Variants in HDLBP observed in about 807,000 individuals in gnomAD.
HDLBP encodes vigilin.
A neutral mutation model predicts 137.3 loss-of-function variants in HDLBP; 30 were observed. The observed-to-expected ratio is 0.22, with a 90% CI of 0.16 to 0.30. The LOEUF is 0.30. HDLBP is among the 10% of genes least tolerant of loss of function. The pLI is 1.00. For synonymous variants in HDLBP, 606 were observed against 596.0 expected, an observed-to-expected ratio of 1.02 and a Z score of -0.24; for missense variants, 1,119 against 1,667.3, an observed-to-expected ratio of 0.67 and a Z score of 5.73.
At chr2:241,254,978 C>T (rs2072496739) in intron 9 of HDLBP, 73 bp downstream of exon 9, 2 of 1,204,606 alleles carry the variant, frequency 1.7e-6, no homozygotes, top group South Asian at 1.2e-5. Context: ...CAAAGGTCAA[C>T]AAAGCAATAT....
At position 241,272,822 on chromosome 2, in the gene HDLBP, G is replaced by A. The variant is rs1355971091; in HGVS notation, c.-102-4281C>T. On this transcript the variant is annotated intron_variant, in intron 1 of 27. Coordinates refer to ENST00000310931, the MANE Select transcript of HDLBP (RefSeq NM_005336.6). The surrounding 1 kb of genome is among the most constrained non-coding windows in gnomAD (Gnocchi z 5.6). ...ACTCGCCCCCCGCGCGGGAGAAGCCGGGACGCTCCGAGGCGCGGCGCCCGG... is the reference window on the plus strand; with the variant it reads ...ACTCGCCCCCCGCGCGGGAGAAGCCAGGACGCTCCGAGGCGCGGCGCCCGG... 3.5e-6 allele frequency: 1 copy of A among 283,586 alleles called. No individual in the cohort carries two copies. The highest frequency in any genetic ancestry group is 2.3e-5 in the African/African-American group (1 of 43,736). 17.6% of individuals were successfully genotyped at this position (283,586 alleles called of 1,614,324 possible).
At chr2:241,299,546 C>T (rs1278393339) in intron 1 of HDLBP, among the ~76,000 whole-genome samples, 2 of 128,306 alleles carry the variant, frequency 1.6e-5, no homozygotes, top group Admixed American at 7.8e-5. Context: ...GAAAACTAAA[C>T]ACCCTAATTT....
intron 1 of HDLBP, among the ~76,000 whole-genome samples, chr2:241,270,020 C>T (rs1308045006): frequency 6.6e-6 from 1 of 152,188 alleles, no homozygotes; most frequent in Non-Finnish European, 1.5e-5. Context: ...TCTCTAGTGC[C>T]CAGTGACAGC....
intron 11 of HDLBP, chr2:241,250,490 C>T (rs1348451461): frequency 6.5e-6 from 1 of 153,048 alleles, no homozygotes; most frequent in Non-Finnish European, 1.5e-5. Context: ...CTGAGCACTT[C>T]ACTGTGTCTG....
chr2:241,254,740 C>T (rs1228419474), intron 9 of HDLBP, among the ~76,000 whole-genome samples: 4 of 152,170 alleles, frequency 2.6e-5, no homozygotes, highest in African/African-American at 7.2e-5. Flanking sequence ...GCACCCGGCC[C>T]GCCAAAGTAT....
rs2070055977 is a variant in HDLBP, at chr2:241,233,624, A to G, written c.3288+196T>C. Among the ~76,000 whole-genome samples, 1 of 152,116 alleles carries G rather than the reference A, an allele frequency of 6.6e-6. No homozygotes were observed. The highest frequency in any genetic ancestry group is 2.1e-4 in the South Asian group (1 of 4,816). ...ATGCTCCAGGCCCCAGATGATACAT[A>G]GTGCCAGAGACCTCACCCATCTGGC... On this transcript the variant is annotated intron_variant, in intron 24 of 27. Coordinates refer to ENST00000310931, the MANE Select transcript of HDLBP (RefSeq NM_005336.6). The surrounding 1 kb of genome is among the most constrained non-coding windows in gnomAD (Gnocchi z 4.3).
chr2:241,300,850 C>T (rs1393935722), intron 1 of HDLBP, among the ~76,000 whole-genome samples: 2 of 152,056 alleles, frequency 1.3e-5, no homozygotes, highest in Non-Finnish European at 2.9e-5. Context: ...CAGGGGCTGG[C>T]CAGGCAGCTC....
At chr2:241,305,929 T>C (rs930875194) in intron 1 of HDLBP, among the ~76,000 whole-genome samples, 1 of 151,660 alleles carries the variant, frequency 6.6e-6, no homozygotes, top group Non-Finnish European at 1.5e-5. Flanking sequence ...CTCAACTAAT[T>C]TTTTGTATTT....
At position 241,272,626 on chromosome 2, in the gene HDLBP, G is replaced by T. The variant is rs923225159; in HGVS notation, c.-102-4085C>A. The T allele has an allele frequency of 2.0e-6, 2 of 978,768 alleles. No individual in the cohort carries two copies. Among genetic ancestry groups the T allele is most frequent in the Non-Finnish European group, 2.4e-6 (2 of 825,242 alleles). 60.6% of individuals were successfully genotyped at this position (978,768 alleles called of 1,614,324 possible). ...GGGGGCCGCAGCCTGGGGCCCGGGTGGGGGCCGCGGCACCCGGGCCCCTCC... is the reference window on the plus strand; with the variant it reads ...GGGGGCCGCAGCCTGGGGCCCGGGTTGGGGCCGCGGCACCCGGGCCCCTCC... On this transcript the variant is annotated intron_variant, in intron 1 of 27. Transcript: ENST00000310931. The surrounding 1 kb of genome is among the most constrained non-coding windows in gnomAD (Gnocchi z 5.6).
intron 1 of HDLBP, among the ~76,000 whole-genome samples, chr2:241,299,729 C>T (rs1395967821): frequency 6.6e-6 from 1 of 151,946 alleles, no homozygotes; most frequent in Admixed American, 6.6e-5. Context: ...TCCTGGCTAA[C>T]ACGGTGAAAC....
At chr2:241,267,322 T>C (rs527950189) in intron 2 of HDLBP, among the ~76,000 whole-genome samples, 9 of 152,304 alleles carry the variant, frequency 5.9e-5, no homozygotes, top group African/African-American at 2.2e-4. Context: ...TAGACAAGTT[T>C]GTCCTAGAAC....
chr2:241,282,008 A>T (rs758121741), intron 1 of HDLBP, among the ~76,000 whole-genome samples: 4 of 152,228 alleles, frequency 2.6e-5, no homozygotes, highest in Non-Finnish European at 2.9e-5. Flanking sequence ...TTTATTACAA[A>T]TCTTTTGTGT....
chr2:241,247,000 G>A (rs772331986), intron 15 of HDLBP, 56 bp downstream of exon 15: 6 of 1,559,674 alleles, frequency 3.8e-6, no homozygotes, highest in Non-Finnish European at 5.3e-6. Context: ...CCAAAATGGT[G>A]CAGGGCTACA....
intron 1 of HDLBP, among the ~76,000 whole-genome samples, chr2:241,285,763 T>C (rs1160637560): frequency 1.3e-5 from 2 of 152,220 alleles, no homozygotes; most frequent in Non-Finnish European, 2.9e-5. Context: ...ACATGGTGAC[T>C]CATGCCTATA....
At chr2:241,277,219 T>C (rs2149603310) in intron 1 of HDLBP, among the ~76,000 whole-genome samples, 1 of 152,264 alleles carries the variant, frequency 6.6e-6, no homozygotes, top group South Asian at 2.1e-4. Flanking sequence ...TAAAGCCTTG[T>C]AACTTTAAGC....
chr2:241,278,702 C>A (rs1345737779), intron 1 of HDLBP, among the ~76,000 whole-genome samples: 1 of 152,060 alleles, frequency 6.6e-6, no homozygotes, highest in Non-Finnish European at 1.5e-5. Flanking sequence ...GAAAATGAAC[C>A]AAAACTGCCA....
chr2:241,278,418 A>G (rs552312888), intron 1 of HDLBP, among the ~76,000 whole-genome samples: 1 of 152,184 alleles, frequency 6.6e-6, no homozygotes, highest in Admixed American at 6.5e-5. Flanking sequence ...CTCCGTCTCT[A>G]CTAAACATAC....
At chr2:241,254,193 G>GT (rs2072432461) in intron 9 of HDLBP, among the ~76,000 whole-genome samples, 1 of 152,152 alleles carries the variant, frequency 6.6e-6, no homozygotes, top group Non-Finnish European at 1.5e-5. Context: ...TGACCCATGA[G>GT]TTCAAGGCTG....
chr2:241,236,548 C>A, intron 21 of HDLBP, 67 bp downstream of exon 21: 1 of 1,534,224 alleles, frequency 6.5e-7, no homozygotes, highest in Admixed American at 1.7e-5. Flanking sequence ...ATCCAGGCCA[C>A]GCGTCTCCCC....
Sources: gnomAD v4.1 joint callset for allele counts (sites outside exome capture counted in the v4.1 genomes callset) on GRCh38, gnomAD v4.1.1 for gene constraint, Gnocchi (gnomAD v3.1) non-coding constraint, MANE v1.5 for transcripts, NCBI Gene and HGNC (gene_info 2026-07-23, HGNC 2026-07-21) for gene names.